The following FYTTD1 variants were observed in gnomAD, a reference collection of about 807,000 sequenced individuals.
FYTTD1 encodes the protein UAP56-interacting factor.
FYTTD1 carries 22 observed loss-of-function variants against 40.9 expected under a neutral mutation model. That is an observed-to-expected ratio of 0.54 (90% confidence interval 0.38 to 0.77). The LOEUF (loss-of-function observed/expected upper bound fraction) is 0.77. FYTTD1 is among the 30% of genes least tolerant of loss of function. FYTTD1 has a pLI of 0.00. For synonymous variants in FYTTD1, 140 were observed against 137.9 expected (o/e 1.01, Z -0.10); for missense variants, 351 against 392.2 (o/e 0.90, Z 0.89).
chr3:197,769,816 C>G (rs1729662358), intron 3 of FYTTD1, among the ~76,000 whole-genome samples: 1 of 152,034 alleles, frequency 6.6e-6, no homozygotes, highest in Admixed American at 6.6e-5. Flanking sequence ...CCGCGATTCC[C>G]CATCACCTGT....
At chr3:197,760,757 T>C (rs952245052) in intron 2 of FYTTD1, among the ~76,000 whole-genome samples, 2 of 151,482 alleles carry the variant, frequency 1.3e-5, no homozygotes, top group African/African-American at 4.9e-5. Flanking sequence ...ATGTGTGGAG[T>C]TGTTCCTCAG....
Position 197,785,336 on chromosome 3 carries a change from T to G in FYTTD1, c.*3427T>G, listed in dbSNP as rs1730131252. 6.6e-6 allele frequency: 1 copy of G among 152,208 alleles called. No homozygotes were observed. Among genetic ancestry groups the G allele is most frequent in the Non-Finnish European group, 1.5e-5 (1 of 68,034 alleles). The allele number at this position is 152,208 out of a possible 1,614,324, so 9.4% of individuals were successfully genotyped here. ...GTGTAAACGAAAAGTTGGCCCACTG[T>G]GTACATGGATTTTCCATTCCAAGAT... On this transcript the variant is annotated 3_prime_UTR_variant, in exon 9 of 9. Coordinates refer to ENST00000241502, the MANE Select transcript of FYTTD1 (RefSeq NM_032288.7).
chr3:197,766,463 GAGACAGGGTCTTGCTC>G (rs1241909952), intron 2 of FYTTD1, among the ~76,000 whole-genome samples: 9 of 151,398 alleles, frequency 5.9e-5, no homozygotes, highest in African/African-American at 2.2e-4. Flanking sequence ...GTGTGTGTTT[GAGACAGGGTCTTGCTC>G]TGTCACCCCA....
At chr3:197,772,449 T>C (rs778343765) in intron 4 of FYTTD1, among the ~76,000 whole-genome samples, 23 of 152,182 alleles carry the variant, frequency 1.5e-4, no homozygotes, top group Admixed American at 3.3e-4. Flanking sequence ...CAAAAGAAAT[T>C]AGGTGCCGCA....
At chr3:197,764,096 A>G (rs1324612351) in intron 2 of FYTTD1, among the ~76,000 whole-genome samples, 2 of 152,194 alleles carry the variant, frequency 1.3e-5, no homozygotes, top group African/African-American at 4.8e-5. Flanking sequence ...GTCTTCATAA[A>G]GGGTGGTAGT....
chr3:197,769,638 A>G (rs1234913560), intron 3 of FYTTD1, among the ~76,000 whole-genome samples: 1 of 151,134 alleles, frequency 6.6e-6, no homozygotes, highest in African/African-American at 2.4e-5. Flanking sequence ...AACCACGTCT[A>G]CTCCAGCGTC....
chr3:197,756,659 T>C (rs751221552), intron 2 of FYTTD1, 102 bp downstream of exon 2: 1 of 1,060,786 alleles, frequency 9.4e-7, no homozygotes, highest in Non-Finnish European at 1.4e-6. Flanking sequence ...TCAGTACTCT[T>C]TGTGTTTTGT....
chr3:197,765,663 A>C (rs1729521825), intron 2 of FYTTD1, among the ~76,000 whole-genome samples: 1 of 151,996 alleles, frequency 6.6e-6, no homozygotes, highest in Non-Finnish European at 1.5e-5. Context: ...GGAGTTTGAG[A>C]CCAGCCTGGC....
intron 4 of FYTTD1, 70 bp downstream of exon 4, chr3:197,770,314 A>G (rs929770826): frequency 2.7e-5 from 26 of 956,906 alleles, no homozygotes; most frequent in Admixed American, 2.5e-4. Context: ...GGTGTGAAGA[A>G]TGGATTTGCA....
At chr3:197,775,756 G>A (rs1040015246) in intron 6 of FYTTD1, among the ~76,000 whole-genome samples, 2 of 152,200 alleles carry the variant, frequency 1.3e-5, no homozygotes, top group Non-Finnish European at 2.9e-5. Flanking sequence ...CTTTAGCACA[G>A]GGGTCATGAC....
At chr3:197,756,830 G>A (rs1729228458) in intron 2 of FYTTD1, among the ~76,000 whole-genome samples, 1 of 152,126 alleles carries the variant, frequency 6.6e-6, no homozygotes. Context: ...AATTGCAAAG[G>A]ATCTTATATA....
intron 8 of FYTTD1, among the ~76,000 whole-genome samples, chr3:197,781,067 A>C (rs1032685812): frequency 1.3e-5 from 2 of 151,584 alleles, no homozygotes; most frequent in Non-Finnish European, 2.9e-5. Flanking sequence ...TAATCCCAGC[A>C]CTTTGGGAGG....
Position 197,781,865 on chromosome 3 carries a change from C to T in FYTTD1, c.913C>T (p.Leu305Phe), listed in dbSNP as rs139320081. The T allele has an allele frequency of 1.4e-5, 23 of 1,610,300 alleles. No homozygotes were observed. The highest frequency in any genetic ancestry group is 2.7e-5 in the African/African-American group (2 of 74,818). ...GATCCTGAAGGAACAAAGAGCCACT[C>T]TCACATACAACAAAGGGGGAAGCCG... The part of the protein sequence containing the change: ...FGILKEQRAT[L>F]TYNKGGSRFV... The change falls in exon 9 of 9, where the codon CTC becomes TTC. Residue 305 changes from leucine (L) to phenylalanine (F), a missense_variant. Physicochemically the swap from Leu to Phe is conservative, Grantham distance 22. Transcript: ENST00000241502.
At chr3:197,778,257 A>G (rs1729930625) in intron 7 of FYTTD1, 81 bp from the exon 8 acceptor site, 4 of 1,142,384 alleles carry the variant, frequency 3.5e-6, no homozygotes, top group Non-Finnish European at 3.7e-6. Context: ...GAACATGTGT[A>G]CAAGATGTCT....
In FYTTD1 at chr3:197,781,725, A is replaced by C. The variant is rs1281872084; in HGVS notation, c.859-86A>C. The C allele has an allele frequency of 3.5e-6, 3 of 864,252 alleles. No individual in the cohort carries two copies. In the Admixed American group the frequency reaches 7.4e-5, roughly 21 times the overall value. The allele number at this position is 864,252 out of a possible 1,614,324, so 53.5% of individuals were successfully genotyped here. A position where few individuals can be genotyped will look rare whatever the true frequency, so the allele number is the denominator to read the frequency against. On this transcript the variant is annotated intron_variant, in intron 8 of 8. Transcript: ENST00000241502. ...ATTACTTGTAATTAATCATAAGATCACATTATTGTTCCAAAGCAAATATGG... is the reference window on the plus strand; with the variant it reads ...ATTACTTGTAATTAATCATAAGATCCCATTATTGTTCCAAAGCAAATATGG...
chr3:197,781,621 A>G lies in FYTTD1; in HGVS notation c.859-190A>G, dbSNP rs574027081. Among the ~76,000 whole-genome samples the G allele has an allele frequency of 2.0e-5, 3 of 152,318 alleles. No individual in the cohort carries two copies. The East Asian group carries it at 5.8e-4, about 29-fold the overall frequency. On this transcript the variant is annotated intron_variant, in intron 8 of 8. Transcript: ENST00000241502. ...GTGTATGACTTCTAGGCATTATAGC[A>G]TATGTGTGTTTTATATAGTATATAA...
intron 8 of FYTTD1, among the ~76,000 whole-genome samples, chr3:197,779,451 A>G (rs897642501): frequency 6.6e-6 from 1 of 150,716 alleles, no homozygotes; most frequent in Non-Finnish European, 1.5e-5. Flanking sequence ...ACAATTTTGT[A>G]TTAACCATAT....
chr3:197,768,256 A>G (rs1729609332), intron 2 of FYTTD1, among the ~76,000 whole-genome samples, 183 bp from the exon 3 acceptor site: 1 of 152,246 alleles, frequency 6.6e-6, no homozygotes, highest in Non-Finnish European at 1.5e-5. Context: ...GTATAGCCAC[A>G]GAACCCTTCC....
At chr3:197,751,627 G>A (rs1729053495) in intron 1 of FYTTD1, among the ~76,000 whole-genome samples, 1 of 151,350 alleles carries the variant, frequency 6.6e-6, no homozygotes, top group Non-Finnish European at 1.5e-5. Context: ...GCGAGACCCT[G>A]TCTCCCCCCG....
Sources: gnomAD v4.1 joint callset for allele counts (sites outside exome capture counted in the v4.1 genomes callset) on GRCh38, gnomAD v4.1.1 for gene constraint, MANE v1.5 for transcripts, NCBI Gene and HGNC (gene_info 2026-07-23, HGNC 2026-07-21) for gene names.